Variants in NEIL3 observed in about 807,000 individuals in gnomAD.
The protein encoded by NEIL3 is endonuclease 8-like 3.
NEIL3 carries 48 observed loss-of-function variants against 57.5 expected under a neutral mutation model. The observed-to-expected ratio is 0.83, with a 90% CI of 0.66 to 1.06. NEIL3 has a LOEUF of 1.06. NEIL3 is among the 50% of genes least tolerant of loss of function. The pLI is 0.00. For synonymous variants in NEIL3, 261 were observed against 253.2 expected, an observed-to-expected ratio of 1.03 and a Z score of -0.29; for missense variants, 717 against 739.1, an observed-to-expected ratio of 0.97 and a Z score of 0.35.
intron 2 of NEIL3, among the ~76,000 whole-genome samples, chr4:177,326,014 A>T (rs1278545360): frequency 6.6e-6 from 1 of 152,080 alleles, no homozygotes; most frequent in Non-Finnish European, 1.5e-5. Flanking sequence ...TTTCTTAACC[A>T]TATCTCTTCA....
chr4:177,362,431 C>T lies in NEIL3; in HGVS notation c.1778C>T (p.Ala593Val). The T allele has an allele frequency of 6.2e-7, 1 of 1,612,496 alleles. No homozygotes were observed. The highest frequency in any genetic ancestry group is 1.7e-4 in the Middle Eastern group (1 of 6,054). The change falls in exon 10 of 10, where the codon GCA (alanine) becomes GTA (valine). Residue 593 changes from alanine to valine, a missense_variant. Transcript: ENST00000264596. ...AAACAATGCAATTTTTTCCAGTGGG[C>T]AGAAAATGGGCCAGGAATAAAAATT... ...KEKQCNFFQWAENGPGIKIIP... is the reference protein window; with the variant it reads ...KEKQCNFFQWVENGPGIKIIP...
At chr4:177,360,401 A>T in intron 8 of NEIL3, 102 bp from the exon 9 acceptor site, 1 of 754,240 alleles carries the variant, frequency 1.3e-6, no homozygotes, top group Non-Finnish European at 2.0e-6. Flanking sequence ...TTTTTGATAG[A>T]ATTTCTTGGT....
rs1734979796 is a variant in NEIL3, at chr4:177,336,378, C to T, written c.627+57C>T. ...TGATTTTTCGGTACTGTGAAGGAAC[C>T]AACGTGGAAGCCTTAACTCTGCATT... On this transcript the variant is annotated intron_variant, in intron 4 of 9. Coordinates refer to ENST00000264596, the MANE Select transcript of NEIL3 (RefSeq NM_018248.3). 3 of 1,346,994 alleles carry T rather than the reference C, an allele frequency of 2.2e-6. No individual in the cohort carries two copies. The African/African-American group carries it at 4.3e-5, about 19-fold the overall frequency. 83.4% of individuals were successfully genotyped at this position (1,346,994 alleles called of 1,614,324 possible). A position where few individuals can be genotyped will look rare whatever the true frequency, so the allele number is the denominator to read the frequency against.
intron 1 of NEIL3, among the ~76,000 whole-genome samples, chr4:177,321,914 G>A (rs1560908994): frequency 6.6e-6 from 1 of 152,134 alleles, no homozygotes; most frequent in Non-Finnish European, 1.5e-5. Flanking sequence ...ATAGATGCTG[G>A]CTTCACAGCT....
At chr4:177,364,042 G>A (rs957809241), downstream of NEIL3, among the ~76,000 whole-genome samples, 24 of 152,156 alleles carry the variant, frequency 1.6e-4, no homozygotes, top group African/African-American at 5.1e-4. Flanking sequence ...CACCATGCCC[G>A]GCCTGAAGAA....
At position 177,336,148 on chromosome 4, in the gene NEIL3, G is replaced by T. The variant is rs762834655; in HGVS notation, c.454G>T (p.Glu152Ter). The change falls in exon 4 of 10, where the codon GAA (glutamate) becomes TAA (stop). Residue 152 changes from glutamate (E) to a stop codon, truncating the protein, a stop_gained. Coordinates refer to ENST00000264596, the MANE Select transcript of NEIL3 (RefSeq NM_018248.3). LOFTEE classifies it high-confidence loss of function. ...ESQQRIRMMK[E>*]LDVCSPEFSF... ...CCAACAGAGAATAAGAATGATGAAA[G>T]AATTAGATGTATGTTCACCTGAATT... The T allele has an allele frequency of 6.2e-7, 1 of 1,613,676 alleles. No homozygotes were observed. Among genetic ancestry groups the T allele is most frequent in the East Asian group, 2.2e-5 (1 of 44,868 alleles).
chr4:177,339,916 G>A (rs1048612556), intron 5 of NEIL3, 59 bp downstream of exon 5: 11 of 1,168,922 alleles, frequency 9.4e-6, no homozygotes, highest in Non-Finnish European at 1.4e-5. Flanking sequence ...TCCTTTTGGA[G>A]TGCACCAAAA....
At chr4:177,353,249 A>G (rs1735396870) in intron 7 of NEIL3, 59 bp from the exon 8 acceptor site, 5 of 1,371,948 alleles carry the variant, frequency 3.6e-6, no homozygotes, top group Non-Finnish European at 5.1e-6. Context: ...AAGATGTTTC[A>G]CATAATCAGT....
At chr4:177,368,755 T>C in the NEIL3 span, among the ~76,000 whole-genome samples, 2 of 152,222 alleles carry the variant, frequency 1.3e-5, no homozygotes, top group African/African-American at 4.8e-5. Flanking sequence ...AATTCCTGTA[T>C]CTAAAAGCTG....
At chr4:177,335,071 T>C (rs955012201) in intron 2 of NEIL3, among the ~76,000 whole-genome samples, 1 of 152,102 alleles carries the variant, frequency 6.6e-6, no homozygotes, top group African/African-American at 2.4e-5. Flanking sequence ...TTGAGGACAA[T>C]AGCATTTTGA....
chr4:177,349,021 C>A (rs1237192714), intron 6 of NEIL3, among the ~76,000 whole-genome samples: 1 of 146,056 alleles, frequency 6.8e-6, no homozygotes, highest in African/African-American at 2.5e-5. Flanking sequence ...GCACCCGTCA[C>A]CACACCTGGC....
At chr4:177,348,648 G>A (rs1191053600) in intron 6 of NEIL3, among the ~76,000 whole-genome samples, 2 of 152,008 alleles carry the variant, frequency 1.3e-5, no homozygotes, top group Non-Finnish European at 2.9e-5. Flanking sequence ...CAGAGGACAC[G>A]TCAAGCCATG....
At chr4:177,344,643 C>A (rs1456725835) in intron 6 of NEIL3, among the ~76,000 whole-genome samples, 1 of 151,402 alleles carries the variant, frequency 6.6e-6, no homozygotes, top group Non-Finnish European at 1.5e-5. Flanking sequence ...CTCACTGCAA[C>A]TTTCGCCTCC....
chr4:177,339,555 T>G (rs187147967), intron 4 of NEIL3, among the ~76,000 whole-genome samples: 10 of 152,246 alleles, frequency 6.6e-5, no homozygotes, highest in Admixed American at 3.9e-4. Flanking sequence ...TTACATTGAA[T>G]AGATTGAGGA....
intron 1 of NEIL3, among the ~76,000 whole-genome samples, chr4:177,311,106 C>T (rs1369593060): frequency 6.6e-6 from 1 of 151,910 alleles, no homozygotes; most frequent in East Asian, 1.9e-4. Flanking sequence ...AAAATCGTTT[C>T]AGGGTACCAC....
chr4:177,362,139 G>A (rs1341054485), intron 9 of NEIL3, 150 bp from the exon 10 acceptor site: 3 of 465,426 alleles, frequency 6.4e-6, no homozygotes, highest in Non-Finnish European at 1.1e-5. Context: ...TTTTTTAAAG[G>A]CGACGACTAA....
chr4:177,360,085 A>G (rs982156449), intron 8 of NEIL3, among the ~76,000 whole-genome samples: 1 of 152,214 alleles, frequency 6.6e-6, no homozygotes. Flanking sequence ...CCGATGAGAA[A>G]ATAATTAGAG....
chr4:177,320,478 T>TGC (rs1734659654), intron 1 of NEIL3, among the ~76,000 whole-genome samples: 2 of 85,298 alleles, frequency 2.3e-5, no homozygotes, highest in Non-Finnish European at 5.7e-5. Flanking sequence ...TTTTTTTTTT[T>TGC]TTTTTTTTTT....
At chr4:177,311,742 A>G (rs560756439) in intron 1 of NEIL3, among the ~76,000 whole-genome samples, 26 of 151,590 alleles carry the variant, frequency 1.7e-4, no homozygotes, top group Non-Finnish European at 3.1e-4. Context: ...CAGGGATTGG[A>G]ACAGGAAAAA....
Sources: gnomAD v4.1 joint callset for allele counts (sites outside exome capture counted in the v4.1 genomes callset) on GRCh38, gnomAD v4.1.1 for gene constraint, MANE v1.5 for transcripts, NCBI Gene and HGNC (gene_info 2026-07-23, HGNC 2026-07-21) for gene names.